The following XRCC4 variants were observed in gnomAD, a reference collection of about 807,000 sequenced individuals.
XRCC4 encodes the protein X-ray repair cross complementing 4.
A neutral mutation model predicts 39.1 loss-of-function variants in XRCC4; 28 were observed. The ratio of observed to expected loss-of-function variants is 0.72; its 90% confidence interval spans 0.53 to 0.98. The LOEUF is 0.98. XRCC4 is among the 50% of genes least tolerant of loss of function. XRCC4 has a pLI of 0.00. For synonymous variants in XRCC4, 123 were observed against 126.4 expected, an observed-to-expected ratio of 0.97 and a Z score of 0.18; for missense variants, 350 against 376.4, an observed-to-expected ratio of 0.93 and a Z score of 0.58.
intron 6 of XRCC4, among the ~76,000 whole-genome samples, chr5:83,209,370 A>G (rs549719063): frequency 2.0e-5 from 3 of 152,220 alleles, no homozygotes; most frequent in South Asian, 2.1e-4. Context: ...TGCCCCAACC[A>G]TATCAGATAT....
In XRCC4 at chr5:83,309,296, AATATATAT is replaced by A. The variant is rs1225850304; in HGVS notation, c.894-43817_894-43810del. Among the ~76,000 whole-genome samples, 184 of 72,230 alleles carry A rather than the reference AATATATAT, an allele frequency of 2.5e-3. 7 individuals are homozygous for A. The highest frequency in any genetic ancestry group is 0.013 in the African/African-American group (158 of 11,752). The allele number at this position is 72,230 out of a possible 152,430, so 47.4% of individuals were successfully genotyped here. A position where few individuals can be genotyped will look rare whatever the true frequency, so the allele number is the denominator to read the frequency against. ...AAAAAAAAAAAAAAAAAAAAAAAAA[AATATATAT>A]ATATATATATATATATAGGCTATGC... On this transcript the variant is annotated intron_variant, in intron 7 of 7. Coordinates refer to ENST00000396027, the MANE Select transcript of XRCC4 (RefSeq NM_003401.5).
chr5:83,196,668 G>GCA (rs1252887602), intron 4 of XRCC4, among the ~76,000 whole-genome samples: 3 of 151,256 alleles, frequency 2.0e-5, no homozygotes, highest in Admixed American at 6.6e-5. Context: ...GTGTGTGTAT[G>GCA]CACACACATA....
intron 2 of XRCC4, among the ~76,000 whole-genome samples, chr5:83,110,479 T>C (rs2112397170): frequency 6.6e-6 from 1 of 152,138 alleles, no homozygotes; most frequent in Non-Finnish European, 1.5e-5. Flanking sequence ...TAGTATGTGT[T>C]GCAGAGGAGA....
chr5:83,258,514 T>A lies in XRCC4; in HGVS notation c.746-16T>A, dbSNP rs764013075. Reference sequence around the variant, plus strand: ...ATAATTTTGTTGGGTCACATTCTCATCTCATTTTATTTCAGCTGCTGTAAG... The same window carrying A: ...ATAATTTTGTTGGGTCACATTCTCAACTCATTTTATTTCAGCTGCTGTAAG... On this transcript the variant is annotated splice_polypyrimidine_tract_variant and intron_variant, in intron 6 of 7. Coordinates refer to ENST00000396027, the MANE Select transcript of XRCC4 (RefSeq NM_003401.5). The A allele has an allele frequency of 2.5e-6, 4 of 1,604,874 alleles. No individual in the cohort carries two copies. Among genetic ancestry groups the A allele is most frequent in the Non-Finnish European group, 3.4e-6 (4 of 1,177,488 alleles).
chr5:83,268,191 A>T (rs1282489402), intron 7 of XRCC4, among the ~76,000 whole-genome samples: 2 of 152,182 alleles, frequency 1.3e-5, no homozygotes, highest in African/African-American at 4.8e-5. Context: ...AACAGCAGGG[A>T]TGAATTGAGA....
chr5:83,097,549 CT>C (rs5869161), intron 1 of XRCC4, among the ~76,000 whole-genome samples: 70,571 of 148,700 alleles, frequency 0.47, 17,093 homozygotes, highest in African/African-American at 0.57. Context: ...CTGAAAAACA[CT>C]TTTTTTTTTT....
chr5:83,142,980 A>G lies in XRCC4; in HGVS notation c.315+31777A>G, dbSNP rs1290122394. Among the ~76,000 whole-genome samples the G allele has an allele frequency of 2.0e-5, 3 of 152,154 alleles. No homozygotes were observed. In the East Asian group the frequency reaches 5.8e-4, roughly 29 times the overall value. On this transcript the variant is annotated intron_variant, in intron 3 of 7. Transcript: ENST00000396027. ...GCCAAGTTGAGATACAATGCTTATG[A>G]TACAATTTTGAATATATAGGTGTTC...
chr5:83,352,103 T>A (rs534360385), intron 7 of XRCC4, among the ~76,000 whole-genome samples: 1 of 152,302 alleles, frequency 6.6e-6, no homozygotes, highest in Non-Finnish European at 1.5e-5. Flanking sequence ...AGAAGCCCAC[T>A]TAGTTTAAAT....
Position 83,195,810 on chromosome 5 carries a change from CA to C in XRCC4, c.357del (p.Ala120LeufsTer33), listed in dbSNP as rs1561396090. ...TTCAACCTAGAGAAAGTTGAAAACC[CA>C]GCTGAAGTCATTAGAGAACTTATTT... ...GSFNLEKVENPAEVIRELICY... is the reference protein window; with the variant it reads ...GSFNLEKVENXAEVIRELICY... On this transcript the variant is annotated frameshift_variant, in exon 4 of 8. Coordinates refer to ENST00000396027, the MANE Select transcript of XRCC4 (RefSeq NM_003401.5). LOFTEE classifies it high-confidence loss of function. 1.9e-6 allele frequency: 3 copies of C among 1,609,588 alleles called. No individual in the cohort carries two copies. Among genetic ancestry groups the C allele is most frequent in the Non-Finnish European group, 2.5e-6 (3 of 1,177,472 alleles).
At chr5:83,278,470 G>GA (rs1221193266) in intron 7 of XRCC4, among the ~76,000 whole-genome samples, 3 of 152,110 alleles carry the variant, frequency 2.0e-5, no homozygotes. Flanking sequence ...TGAAGGCTGA[G>GA]AAGTCCAAGA....
intron 6 of XRCC4, among the ~76,000 whole-genome samples, chr5:83,254,979 C>T (rs1753477253): frequency 6.6e-6 from 1 of 151,578 alleles, no homozygotes. Context: ...CCCAGCTACT[C>T]AGGAGCCCGA....
intron 2 of XRCC4, 91 bp from the exon 3 acceptor site, chr5:83,110,937 G>A: frequency 8.4e-7 from 1 of 1,192,246 alleles, no homozygotes; most frequent in Non-Finnish European, 1.2e-6. Flanking sequence ...TCTGTTACAT[G>A]TGATAAATTA....
chr5:83,212,740 C>A (rs1422216131), intron 6 of XRCC4, among the ~76,000 whole-genome samples: 2 of 151,618 alleles, frequency 1.3e-5, no homozygotes, highest in African/African-American at 2.4e-5. Flanking sequence ...CTGACCTGGC[C>A]AACATGGTGA....
intron 3 of XRCC4, among the ~76,000 whole-genome samples, chr5:83,162,570 T>A (rs997234913): frequency 1.3e-5 from 2 of 152,366 alleles, no homozygotes; most frequent in Middle Eastern, 3.4e-3. Flanking sequence ...AAGCTTTTGA[T>A]TAACTCTTAT....
intron 3 of XRCC4, among the ~76,000 whole-genome samples, chr5:83,165,637 C>T (rs1749431564): frequency 6.6e-6 from 1 of 152,106 alleles, no homozygotes; most frequent in African/African-American, 2.4e-5. Context: ...CCACCGTCTA[C>T]CTTCCATCCT....
Position 83,269,626 on chromosome 5 carries a change from A to G in XRCC4, c.893+10949A>G, listed in dbSNP as rs542558670. On this transcript the variant is annotated intron_variant, in intron 7 of 7. Coordinates refer to ENST00000396027, the MANE Select transcript of XRCC4 (RefSeq NM_003401.5). ...GAATTCAGTAAAAATAGACAGTTAC[A>G]AAAAAGAAAATATTATACACTAGCA... 2.0e-5 allele frequency among the ~76,000 whole-genome samples: 3 copies of G among 152,188 alleles called. No individual in the cohort carries two copies. In the East Asian group the frequency reaches 5.8e-4, roughly 29 times the overall value.
chr5:83,096,207 C>T (rs993054079), intron 1 of XRCC4, among the ~76,000 whole-genome samples: 2 of 152,048 alleles, frequency 1.3e-5, no homozygotes, highest in Non-Finnish European at 2.9e-5. Flanking sequence ...AGAAAGGTCC[C>T]CCTTGGGATC....
intron 3 of XRCC4, among the ~76,000 whole-genome samples, chr5:83,136,493 G>A (rs1395019930): frequency 1.3e-5 from 2 of 152,080 alleles, no homozygotes; most frequent in East Asian, 3.9e-4. Context: ...TTTGGAATTT[G>A]GGTTTTCTTT....
At chr5:83,309,422 T>C (rs1246551768) in intron 7 of XRCC4, among the ~76,000 whole-genome samples, 1 of 150,164 alleles carries the variant, frequency 6.7e-6, no homozygotes, top group Non-Finnish European at 1.5e-5. Flanking sequence ...TTTAAGGGAA[T>C]GTGGTTTCCA....
Sources: allele counts gnomAD v4.1 joint callset (sites outside exome capture counted in the v4.1 genomes callset), GRCh38; gene constraint gnomAD v4.1.1; transcripts MANE v1.5; gene names NCBI Gene and HGNC (gene_info 2026-07-23, HGNC 2026-07-21).